The following MGMT variants were observed in gnomAD, a reference collection of about 807,000 sequenced individuals.
MGMT encodes O-6-methylguanine-DNA methyltransferase, also known as methylated-DNA--protein-cysteine methyltransferase.
Under a neutral mutation model 15.9 loss-of-function variants are expected in MGMT, and 14 were observed. That is an observed-to-expected ratio of 0.88 (90% CI 0.58 to 1.37). The LOEUF (loss-of-function observed/expected upper bound fraction) is 1.37, where lower values mean the gene tolerates loss of function less well. MGMT is among the 40% of genes most tolerant of loss of function. The pLI, the probability that MGMT is intolerant of heterozygous loss-of-function variation, is 0.00. For missense variants in MGMT, 282 were observed against 268.1 expected, an observed-to-expected ratio of 1.05 and a Z score of -0.36; for synonymous variants, 130 against 118.2, an observed-to-expected ratio of 1.10 and a Z score of -0.65.
At chr10:129,744,478 G>T (rs1848671179) in intron 3 of MGMT, among the ~76,000 whole-genome samples, 1 of 152,226 alleles carries the variant, frequency 6.6e-6, no homozygotes, top group East Asian at 1.9e-4. Flanking sequence ...CCACTGGCTG[G>T]CCAAGCACCG....
rs140471874 is a variant in MGMT at position 129,504,277 on chromosome 10, A to G, written c.-12-31964A>G. Among the ~76,000 whole-genome samples the G allele has an allele frequency of 3.9e-4, 60 of 152,364 alleles. 1 individual carries two copies. The East Asian group carries it at 0.011, about 28-fold the overall frequency. On this transcript the variant is annotated intron_variant, in intron 1 of 4. Coordinates refer to ENST00000651593, the MANE Select transcript of MGMT (RefSeq NM_002412.5). Reference sequence around the variant, plus strand: ...TTATTGGACATTCATCATCTGGTCAACGTTGACATTGGTGATATAATTTTT... The same window carrying G: ...TTATTGGACATTCATCATCTGGTCAGCGTTGACATTGGTGATATAATTTTT...
chr10:129,716,919 T>A (rs928954510), intron 3 of MGMT, among the ~76,000 whole-genome samples: 1 of 152,240 alleles, frequency 6.6e-6, no homozygotes, highest in Non-Finnish European at 1.5e-5. Flanking sequence ...CCAATTATAT[T>A]TTAATATTCA....
chr10:129,604,853 G>A (rs927766609), intron 2 of MGMT, among the ~76,000 whole-genome samples: 8 of 151,364 alleles, frequency 5.3e-5, no homozygotes, highest in Non-Finnish European at 1.0e-4. Flanking sequence ...GCCTGCCTTT[G>A]CTTTTTGTTT....
At chr10:129,577,639 A>G (rs1386042650) in intron 2 of MGMT, among the ~76,000 whole-genome samples, 6 of 152,196 alleles carry the variant, frequency 3.9e-5, no homozygotes, top group Non-Finnish European at 7.4e-5. Flanking sequence ...AGGACTTCAT[A>G]ACCAAAACAC....
intron 2 of MGMT, among the ~76,000 whole-genome samples, chr10:129,592,801 C>T (rs1291817326): frequency 1.4e-5 from 2 of 147,060 alleles, no homozygotes; most frequent in East Asian, 2.0e-4. Context: ...TTAATTAATC[C>T]TTTTTTTTTT....
intron 2 of MGMT, among the ~76,000 whole-genome samples, chr10:129,579,788 C>T (rs762870698): frequency 6.6e-6 from 1 of 152,206 alleles, no homozygotes; most frequent in Non-Finnish European, 1.5e-5. Flanking sequence ...GACTCTTAGA[C>T]ATCAGCTCTC....
At chr10:129,524,931 A>G (rs895768374) in intron 1 of MGMT, among the ~76,000 whole-genome samples, 2 of 152,172 alleles carry the variant, frequency 1.3e-5, no homozygotes, top group African/African-American at 4.8e-5. Flanking sequence ...GTGTTCTGGT[A>G]TCACAAACCA....
In MGMT at chr10:129,762,456, T is replaced by C. The variant is rs556733233; in HGVS notation, c.414+3115T>C. Among the ~76,000 whole-genome samples, 3 of 152,308 alleles carry C rather than the reference T, an allele frequency of 2.0e-5. No homozygotes were observed. The East Asian group carries it at 5.8e-4, about 29-fold the overall frequency. ...CTTTCCTCTATCCTAGGAGCTTGAT[T>C]TCTCCAGAATCCTCCAGGAAGGACT... On this transcript the variant is annotated intron_variant, in intron 4 of 4. Coordinates refer to ENST00000651593, the MANE Select transcript of MGMT (RefSeq NM_002412.5).
At chr10:129,760,796 C>T (rs74160284) in intron 4 of MGMT, among the ~76,000 whole-genome samples, 5,614 of 152,210 alleles carry the variant, frequency 0.037, 358 homozygotes, top group African/African-American at 0.13. Context: ...AGTGAGATAC[C>T]ACAGGGACAG....
At chr10:129,510,241 A>G (rs1487235240) in intron 1 of MGMT, among the ~76,000 whole-genome samples, 2 of 152,184 alleles carry the variant, frequency 1.3e-5, no homozygotes, top group South Asian at 2.1e-4. Flanking sequence ...AAAATATAAC[A>G]TAGTTGTTAG....
At chr10:129,625,239 A>G (rs975804072) in intron 2 of MGMT, among the ~76,000 whole-genome samples, 1 of 152,264 alleles carries the variant, frequency 6.6e-6, no homozygotes, top group Non-Finnish European at 1.5e-5. Flanking sequence ...CCCTCAAAGA[A>G]AAATCTAGGC....
chr10:129,582,256 A>G (rs1175637087), intron 2 of MGMT, among the ~76,000 whole-genome samples: 1 of 152,160 alleles, frequency 6.6e-6, no homozygotes, highest in East Asian at 1.9e-4. Context: ...CCCGCCTTCT[A>G]CCAGGAGCCA....
intron 3 of MGMT, among the ~76,000 whole-genome samples, chr10:129,741,392 G>C (rs1453208030): frequency 1.3e-5 from 2 of 152,220 alleles, no homozygotes; most frequent in Non-Finnish European, 2.9e-5. Context: ...TGAACCTGCA[G>C]TTGAGTGGCC....
chr10:129,727,419 A>G (rs1256378903), intron 3 of MGMT, among the ~76,000 whole-genome samples: 1 of 152,228 alleles, frequency 6.6e-6, no homozygotes, highest in Non-Finnish European at 1.5e-5. Flanking sequence ...GAGTGCAGCT[A>G]TGCAGAAGAC....
intron 2 of MGMT, among the ~76,000 whole-genome samples, chr10:129,661,412 C>T (rs761498510): frequency 6.6e-5 from 10 of 152,122 alleles, no homozygotes; most frequent in Non-Finnish European, 1.2e-4. Flanking sequence ...GTAATAAAGA[C>T]GCGTCCATTT....
intron 2 of MGMT, among the ~76,000 whole-genome samples, chr10:129,706,823 A>G (rs1848168898): frequency 6.6e-6 from 1 of 151,846 alleles, no homozygotes; most frequent in Non-Finnish European, 1.5e-5. Flanking sequence ...CCTGCTGGAG[A>G]TGGGGAATCC....
intron 3 of MGMT, among the ~76,000 whole-genome samples, chr10:129,722,469 G>A (rs1003181065): frequency 6.6e-6 from 1 of 152,198 alleles, no homozygotes; most frequent in African/African-American, 2.4e-5. Flanking sequence ...TCTGCATTCA[G>A]TTCAGTCACA....
At chr10:129,722,132 A>C (rs951286584) in intron 3 of MGMT, among the ~76,000 whole-genome samples, 1 of 152,186 alleles carries the variant, frequency 6.6e-6, no homozygotes, top group African/African-American at 2.4e-5. Flanking sequence ...TTCAGATCAC[A>C]TAATTATTTA....
At chr10:129,760,242 C>T (rs1848856636) in intron 4 of MGMT, among the ~76,000 whole-genome samples, 1 of 152,230 alleles carries the variant, frequency 6.6e-6, no homozygotes, top group Admixed American at 6.5e-5. Flanking sequence ...GCCAAGGCCA[C>T]ACGTGCCTGT....
Sources: allele counts gnomAD v4.1 joint callset (sites outside exome capture counted in the v4.1 genomes callset), GRCh38; gene constraint gnomAD v4.1.1; transcripts MANE v1.5; gene names NCBI Gene and HGNC (gene_info 2026-07-23, HGNC 2026-07-21).